Variants in IGF1R observed in about 807,000 individuals in gnomAD.
The protein encoded by IGF1R is insulin-like growth factor 1 receptor.
In IGF1R, 44 loss-of-function variants were observed where a neutral mutation model predicts 144.6. The observed-to-expected ratio is 0.30, with a 90% CI of 0.24 to 0.39. The LOEUF (loss-of-function observed/expected upper bound fraction) is 0.39. IGF1R is among the 10% of genes least tolerant of loss of function. The pLI is 1.00. For missense variants in IGF1R, 1,355 were observed against 1,833.7 expected, an observed-to-expected ratio of 0.74 and a Z score of 4.77; for synonymous variants, 795 against 722.8, an observed-to-expected ratio of 1.10 and a Z score of -1.60.
rs1227191086 is a variant in IGF1R at position 98,788,833 on chromosome 15, A to G, written c.640+80726A>G. On this transcript the variant is annotated intron_variant, in intron 2 of 20. Transcript: ENST00000650285. ...TCATTTTCTTTTTTCTTCTGCTGGT[A>G]TCTTCATGGTTTTCAGCAAAACTGT... 5.3e-5 allele frequency among the ~76,000 whole-genome samples: 8 copies of G among 152,200 alleles called. No homozygotes were observed. In the South Asian group the frequency reaches 6.2e-4, roughly 12 times the overall value.
chr15:98,905,867 A>C (rs2014707896), intron 5 of IGF1R, among the ~76,000 whole-genome samples: 1 of 152,118 alleles, frequency 6.6e-6, no homozygotes, highest in Non-Finnish European at 1.5e-5. Flanking sequence ...CTTAATTCTC[A>C]CCTAATCATG....
intron 2 of IGF1R, among the ~76,000 whole-genome samples, chr15:98,745,586 T>C (rs796334906): frequency 2.0e-5 from 3 of 152,372 alleles, no homozygotes; most frequent in African/African-American, 7.2e-5. Flanking sequence ...GGTTTTGTTA[T>C]GATGTCCTGA....
At chr15:98,801,531 G>C (rs936464357) in intron 2 of IGF1R, among the ~76,000 whole-genome samples, 1 of 152,230 alleles carries the variant, frequency 6.6e-6, no homozygotes, top group African/African-American at 2.4e-5. Context: ...GCCCGGAAGA[G>C]GCCTTTCCTT....
intron 2 of IGF1R, among the ~76,000 whole-genome samples, chr15:98,750,674 C>G (rs1253153942): frequency 2.0e-5 from 3 of 152,086 alleles, no homozygotes; most frequent in African/African-American, 4.8e-5. Flanking sequence ...AAAATAATTG[C>G]CTAAAACTAT....
intron 2 of IGF1R, among the ~76,000 whole-genome samples, chr15:98,718,223 T>G (rs1481799319): frequency 6.6e-6 from 1 of 152,234 alleles, no homozygotes. Context: ...TTTGTTTCTT[T>G]GCCTTGGTCA....
At chr15:98,954,520 G>A (rs1320054636) in intron 20 of IGF1R, 1 of 152,208 alleles carries the variant, frequency 6.6e-6, no homozygotes, top group East Asian at 1.9e-4. Context: ...ATCCCACAGA[G>A]CAAAAAAGAC....
At chr15:98,695,691 T>C (rs1011844407) in intron 1 of IGF1R, among the ~76,000 whole-genome samples, 33 of 152,198 alleles carry the variant, frequency 2.2e-4, no homozygotes, top group African/African-American at 7.7e-4. Context: ...ATTACCTCTT[T>C]AGGCAGTCCA....
intron 19 of IGF1R, among the ~76,000 whole-genome samples, chr15:98,944,153 G>A (rs991029550): frequency 2.0e-5 from 3 of 152,128 alleles, no homozygotes; most frequent in Admixed American, 6.5e-5. Context: ...TCTAGGCTTC[G>A]TGCCTCCAGG....
At chr15:98,854,002 C>G (rs1487183333) in intron 2 of IGF1R, among the ~76,000 whole-genome samples, 2 of 152,232 alleles carry the variant, frequency 1.3e-5, no homozygotes, top group African/African-American at 4.8e-5. Context: ...TCTGTGCGCC[C>G]TCTCCCACAA....
chr15:98,708,277 G>A (rs1182312837), intron 2 of IGF1R, among the ~76,000 whole-genome samples, 170 bp downstream of exon 2: 3 of 152,190 alleles, frequency 2.0e-5, no homozygotes, highest in South Asian at 4.1e-4. Flanking sequence ...GGGGGTCTTG[G>A]TTGGCTTTCC....
chr15:98,739,064 T>C (rs1432885370), intron 2 of IGF1R, among the ~76,000 whole-genome samples: 1 of 152,178 alleles, frequency 6.6e-6, no homozygotes, highest in Non-Finnish European at 1.5e-5. Context: ...TTAAAAACAT[T>C]GGTTATAAGT....
chr15:98,865,777 G>A (rs1165183883), intron 2 of IGF1R, among the ~76,000 whole-genome samples: 2 of 152,238 alleles, frequency 1.3e-5, no homozygotes, highest in Non-Finnish European at 2.9e-5. Context: ...TGCCTCGCTG[G>A]GAAGTGGAGG....
chr15:98,741,534 T>C (rs977411699), intron 2 of IGF1R, among the ~76,000 whole-genome samples: 1 of 152,158 alleles, frequency 6.6e-6, no homozygotes, highest in African/African-American at 2.4e-5. Flanking sequence ...AAAAACACAA[T>C]CCCTTCTCTG....
chr15:98,803,568 C>T (rs146541376), intron 2 of IGF1R, among the ~76,000 whole-genome samples: 2,211 of 151,940 alleles, frequency 0.015, 56 homozygotes, highest in African/African-American at 0.05. Flanking sequence ...TGCAGTGGTG[C>T]AATCACAGCT....
intron 2 of IGF1R, among the ~76,000 whole-genome samples, chr15:98,744,088 G>T (rs2054809086): frequency 6.6e-6 from 1 of 152,048 alleles, no homozygotes; most frequent in Non-Finnish European, 1.5e-5. Flanking sequence ...GACTGGTGCC[G>T]AGAAGGAATT....
intron 2 of IGF1R, among the ~76,000 whole-genome samples, chr15:98,833,958 G>A (rs1299585016): frequency 2.0e-5 from 3 of 152,196 alleles, no homozygotes; most frequent in Non-Finnish European, 4.4e-5. Context: ...AATTACCCTT[G>A]TTGAGTAATA....
intron 20 of IGF1R, among the ~76,000 whole-genome samples, chr15:98,955,520 AT>A (rs1335316667): frequency 6.6e-6 from 1 of 152,252 alleles, no homozygotes; most frequent in Non-Finnish European, 1.5e-5. Context: ...AGTGCAGCTG[AT>A]GTAGAGGCGG....
At chr15:98,901,687 A>G (rs896981157) in intron 5 of IGF1R, among the ~76,000 whole-genome samples, 5 of 152,252 alleles carry the variant, frequency 3.3e-5, no homozygotes, top group African/African-American at 9.6e-5. Context: ...TACAAGGGAA[A>G]GAAAGAAATG....
chr15:98,781,409 C>G (rs1476269542), intron 2 of IGF1R, among the ~76,000 whole-genome samples: 1 of 152,156 alleles, frequency 6.6e-6, no homozygotes, highest in Non-Finnish European at 1.5e-5. Context: ...AATTAAATTA[C>G]TAATGTCGCA....
Sources: gnomAD v4.1 joint callset for allele counts (sites outside exome capture counted in the v4.1 genomes callset) on GRCh38, gnomAD v4.1.1 for gene constraint, MANE v1.5 for transcripts, NCBI Gene and HGNC (gene_info 2026-07-23, HGNC 2026-07-21) for gene names.